The following CRTC3 variants were observed in gnomAD, a reference collection of about 807,000 sequenced individuals.
The protein encoded by CRTC3 is CREB regulated transcription coactivator 3, also known as CREB-regulated transcription coactivator 3.
In CRTC3, 26 loss-of-function variants were observed where a neutral mutation model predicts 74.5. The observed-to-expected ratio is 0.35, with a 90% CI of 0.26 to 0.48. The LOEUF (loss-of-function observed/expected upper bound fraction) is 0.48, where lower values mean the gene tolerates loss of function less well. Among genes scored for constraint, CRTC3 ranks in the 20% least tolerant of loss-of-function variants. The pLI, the probability that CRTC3 is intolerant of heterozygous loss-of-function variation, is 0.99. For synonymous variants in CRTC3, 377 were observed against 325.8 expected (o/e 1.16, Z -1.69); for missense variants, 760 against 787.3 (o/e 0.97, Z 0.41).
At chr15:90,602,803 G>A (rs4352027) in intron 4 of CRTC3, among the ~76,000 whole-genome samples, 33,377 of 151,088 alleles carry the variant, frequency 0.22, 3,869 homozygotes, top group African/African-American at 0.29. Context: ...ATGAAACCCC[G>A]TCTCTACTAA....
intron 2 of CRTC3, among the ~76,000 whole-genome samples, chr15:90,573,592 C>T (rs1165629804): frequency 1.3e-5 from 2 of 151,666 alleles, no homozygotes; most frequent in Admixed American, 1.3e-4. Context: ...TGTCTCAATT[C>T]TTGAATAATT....
Position 90,643,143 on chromosome 15 carries a change from CGTAGCACCTA to C in CRTC3, c.*1004_*1013del. 1 of 232,304 alleles carries C rather than the reference CGTAGCACCTA, an allele frequency of 4.3e-6. No homozygotes were observed. Among genetic ancestry groups the C allele is most frequent in the East Asian group, 6.1e-5 (1 of 16,470 alleles). The allele number at this position is 232,304 out of a possible 1,614,324, so 14.4% of individuals were successfully genotyped here. A position where few individuals can be genotyped will look rare whatever the true frequency, so the allele number is the denominator to read the frequency against. On this transcript the variant is annotated 3_prime_UTR_variant, in exon 15 of 15. Transcript: ENST00000268184. ...GACAGTGCCTTATCATTGTTGAACC[CGTAGCACCTA>C]ACACGTGCGTGGCAGCACAGTCGTG...
chr15:90,633,796 G>A (rs970799244), intron 11 of CRTC3, among the ~76,000 whole-genome samples: 1 of 150,768 alleles, frequency 6.6e-6, no homozygotes, highest in African/African-American at 2.4e-5. Flanking sequence ...CTTCTCTGTG[G>A]TTGCTTCCTT....
intron 6 of CRTC3, among the ~76,000 whole-genome samples, chr15:90,608,892 AC>A (rs1283738527): frequency 2.0e-5 from 3 of 152,246 alleles, no homozygotes; most frequent in African/African-American, 7.2e-5. Context: ...TCTAGAAAGA[AC>A]AATGGTCTTG....
At chr15:90,540,925 A>G (rs562941304) in intron 2 of CRTC3, among the ~76,000 whole-genome samples, 25 of 152,350 alleles carry the variant, frequency 1.6e-4, no homozygotes, top group African/African-American at 5.3e-4. Context: ...TACTCAAAGC[A>G]TACTTTAATT....
intron 9 of CRTC3, among the ~76,000 whole-genome samples, chr15:90,622,666 C>T (rs1270511252): frequency 2.0e-5 from 3 of 152,150 alleles, no homozygotes. Context: ...GCCTGGCCAA[C>T]ATGGCGAAAC....
intron 2 of CRTC3, among the ~76,000 whole-genome samples, chr15:90,587,712 C>T (rs1967697861): frequency 6.6e-6 from 1 of 152,140 alleles, no homozygotes; most frequent in Non-Finnish European, 1.5e-5. Flanking sequence ...CTCCCAGGCT[C>T]AAGTGATCCT....
intron 2 of CRTC3, among the ~76,000 whole-genome samples, chr15:90,541,265 A>G (rs992558938): frequency 2.0e-5 from 3 of 152,190 alleles, no homozygotes; most frequent in African/African-American, 7.2e-5. Flanking sequence ...GCATTAATTG[A>G]TTGTTTGGAT....
At chr15:90,619,612 G>A (rs1596130793) in intron 8 of CRTC3, 129 bp from the exon 9 acceptor site, 1 of 738,342 alleles carries the variant, frequency 1.4e-6, no homozygotes, top group East Asian at 2.5e-5. Context: ...GCTGCTGTGT[G>A]AGGACTCTGT....
chr15:90,532,474 T>C (rs966561873), intron 1 of CRTC3, among the ~76,000 whole-genome samples: 1 of 152,132 alleles, frequency 6.6e-6, no homozygotes, highest in Non-Finnish European at 1.5e-5. Context: ...TTCCTGACTT[T>C]TCATTACTAG....
At chr15:90,536,306 C>G (rs1256772332) in intron 1 of CRTC3, among the ~76,000 whole-genome samples, 1 of 151,142 alleles carries the variant, frequency 6.6e-6, no homozygotes, top group African/African-American at 2.4e-5. Flanking sequence ...GAGGCTGAGG[C>G]GGGTAGATAG....
chr15:90,640,972 C>G, intron 13 of CRTC3, 125 bp from the exon 14 acceptor site: 2 of 676,582 alleles, frequency 3.0e-6, no homozygotes, highest in Non-Finnish European at 5.4e-6. Flanking sequence ...ACTCTGGGAT[C>G]CTGGAAAGAA....
At chr15:90,552,647 G>A (rs778659519) in intron 2 of CRTC3, among the ~76,000 whole-genome samples, 4 of 152,116 alleles carry the variant, frequency 2.6e-5, no homozygotes, top group African/African-American at 9.7e-5. Flanking sequence ...TATGATTTGG[G>A]CATTTCCTCA....
chr15:90,639,802 G>C (rs138092824), intron 13 of CRTC3, among the ~76,000 whole-genome samples: 37,157 of 148,462 alleles, frequency 0.25, 5,447 homozygotes, highest in African/African-American at 0.42. Context: ...AATCCCAGCA[G>C]TTTGGGAGGC....
chr15:90,563,213 C>T (rs1014455466), intron 2 of CRTC3, among the ~76,000 whole-genome samples: 2 of 152,100 alleles, frequency 1.3e-5, no homozygotes, highest in Admixed American at 1.3e-4. Context: ...TGAGACCAGC[C>T]TGGCAAACAT....
At chr15:90,616,719 C>G (rs760142522) in intron 7 of CRTC3, among the ~76,000 whole-genome samples, 2 of 152,202 alleles carry the variant, frequency 1.3e-5, no homozygotes, top group African/African-American at 2.4e-5. Context: ...TTTACTTGTT[C>G]TGTGACCCAG....
At chr15:90,589,682 C>T (rs111856873) in intron 2 of CRTC3, among the ~76,000 whole-genome samples, 15 of 152,184 alleles carry the variant, frequency 9.9e-5, no homozygotes, top group African/African-American at 1.7e-4. Flanking sequence ...CTTTGAATGG[C>T]AACGTGCAAT....
rs577374976 is a variant in CRTC3 at position 90,604,625 on chromosome 15, T to A, written c.476+178T>A. On this transcript the variant is annotated intron_variant, in intron 5 of 14. Transcript: ENST00000268184. ...AGGGGAAAGTATAGAGCACACGAGG[T>A]CTGGGATGAGACTCCCAGGGTTTGC... 5.3e-5 allele frequency among the ~76,000 whole-genome samples: 8 copies of A among 152,278 alleles called. 1 individual carries two copies. The highest frequency in any genetic ancestry group is 1.9e-4 in the African/African-American group (8 of 41,568).
At chr15:90,624,469 G>C (rs8035823) in intron 9 of CRTC3, among the ~76,000 whole-genome samples, 3,020 of 151,948 alleles carry the variant, frequency 0.02, 115 homozygotes, top group African/African-American at 0.069. Flanking sequence ...CCCTCCCCAT[G>C]TGCCACCCTC....
Sources: allele counts gnomAD v4.1 joint callset (sites outside exome capture counted in the v4.1 genomes callset), GRCh38; gene constraint gnomAD v4.1.1; transcripts MANE v1.5; gene names NCBI Gene and HGNC (gene_info 2026-07-23, HGNC 2026-07-21).